TMOD1: variants seen among roughly 807,000 people sequenced by gnomAD.
The protein encoded by TMOD1 is tropomodulin-1.
In TMOD1, 17 loss-of-function variants were observed where a neutral mutation model predicts 40.6. The ratio of observed to expected loss-of-function variants is 0.42; its 90% CI spans 0.29 to 0.63. The LOEUF is 0.63. TMOD1 is among the 20% of genes least tolerant of loss of function. The pLI is 0.22. For synonymous variants in TMOD1, 181 were observed against 175.0 expected (o/e 1.03, Z -0.27); for missense variants, 391 against 447.6 (o/e 0.87, Z 1.14).
At chr9:97,568,676 C>A (rs1272390451) in intron 7 of TMOD1, among the ~76,000 whole-genome samples, 2 of 152,162 alleles carry the variant, frequency 1.3e-5, no homozygotes, top group Non-Finnish European at 1.5e-5. Context: ...GTCATAGAAG[C>A]TTTGCATGTA....
intron 8 of TMOD1, among the ~76,000 whole-genome samples, chr9:97,577,526 T>G (rs550766721): frequency 6.6e-6 from 1 of 152,342 alleles, no homozygotes; most frequent in East Asian, 1.9e-4. Flanking sequence ...TAGTGGCTCA[T>G]GCCTGTAACC....
intron 8 of TMOD1, among the ~76,000 whole-genome samples, chr9:97,573,472 C>T (rs1200918495): frequency 6.6e-6 from 1 of 152,202 alleles, no homozygotes; most frequent in African/African-American, 2.4e-5. Context: ...TTTTACTCAA[C>T]GTTGCGATTG....
chr9:97,543,881 A>G (rs138005566), intron 2 of TMOD1, among the ~76,000 whole-genome samples: 10 of 152,338 alleles, frequency 6.6e-5, no homozygotes, highest in Admixed American at 2.0e-4. Context: ...TGTCCTGCCT[A>G]TCATGGTGGA....
rs1204315134 is a variant in TMOD1 at position 97,601,136 on chromosome 9, G to A, written c.*1438G>A. 1 of 1,304,128 alleles carries A rather than the reference G, an allele frequency of 7.7e-7. No homozygotes were observed. Among genetic ancestry groups the A allele is most frequent in the African/African-American group, 1.5e-5 (1 of 66,006 alleles). The allele number at this position is 1,304,128 out of a possible 1,614,324, so 80.8% of individuals were successfully genotyped here. A position where few individuals can be genotyped will look rare whatever the true frequency, so the allele number is the denominator to read the frequency against. ...TCCACTGAGGCTGCACATGGCCCAG[G>A]AGTGGCACCATGTTGCAGGGACAAC... On this transcript the variant is annotated 3_prime_UTR_variant, in exon 10 of 10. Transcript: ENST00000259365.
In TMOD1 at chr9:97,599,962, G is replaced by A; in HGVS notation, c.*264G>A. On this transcript the variant is annotated 3_prime_UTR_variant, in exon 10 of 10. Coordinates refer to ENST00000259365, the MANE Select transcript of TMOD1 (RefSeq NM_003275.4). The stretch of plus-strand genomic sequence containing the variant: ...AGCCCCCAAACCAGCAGATCTTACT[G>A]AAGATGATGTTCCAGCAGCAGCGAC... 1 of 1,240,602 alleles carries A rather than the reference G, an allele frequency of 8.1e-7. No homozygotes were observed. The highest frequency in any genetic ancestry group is 2.0e-5 in the South Asian group (1 of 49,926). 76.8% of individuals were successfully genotyped at this position (1,240,602 alleles called of 1,614,324 possible).
chr9:97,534,278 G>A (rs1293468404), intron 2 of TMOD1, among the ~76,000 whole-genome samples: 1 of 152,210 alleles, frequency 6.6e-6, no homozygotes, highest in Admixed American at 6.5e-5. Flanking sequence ...TTTGGAGTCT[G>A]TCACTGTGGG....
chr9:97,539,752 G>A (rs1830246035), intron 2 of TMOD1, among the ~76,000 whole-genome samples: 1 of 152,240 alleles, frequency 6.6e-6, no homozygotes, highest in South Asian at 2.1e-4. Context: ...GGATCACGAG[G>A]TCAGGAGATC....
rs186024161 is a variant in TMOD1 at position 97,514,820 on chromosome 9, G to A, written c.-48-9321G>A. 3.3e-5 allele frequency among the ~76,000 whole-genome samples: 5 copies of A among 152,216 alleles called. No homozygotes were observed. The East Asian group carries it at 7.7e-4, about 23-fold the overall frequency. On this transcript the variant is annotated intron_variant, in intron 1 of 9. Coordinates refer to ENST00000259365, the MANE Select transcript of TMOD1 (RefSeq NM_003275.4). ...GACGAAAGGATTGTGTTGCGGCAGC[G>A]GCCAGGACCAGGCCACTCACTACCT...
chr9:97,595,249 A>G (rs930968466), intron 9 of TMOD1, among the ~76,000 whole-genome samples: 1 of 152,206 alleles, frequency 6.6e-6, no homozygotes, highest in African/African-American at 2.4e-5. Flanking sequence ...ATTTTTTAGC[A>G]ATTTTGAAAT....
chr9:97,560,669 G>GTATATATA (rs3052076), intron 4 of TMOD1, among the ~76,000 whole-genome samples: 49 of 144,754 alleles, frequency 3.4e-4, no homozygotes, highest in African/African-American at 1.2e-3. Flanking sequence ...TTTTTGTATT[G>GTATATATA]TATATATATA....
chr9:97,551,243 C>T (rs540089618), intron 3 of TMOD1, among the ~76,000 whole-genome samples: 13 of 151,958 alleles, frequency 8.6e-5, no homozygotes, highest in Non-Finnish European at 1.3e-4. Flanking sequence ...AGGCTGGTCT[C>T]GAACTCCTGA....
At chr9:97,540,020 A>T (rs1830253415) in intron 2 of TMOD1, among the ~76,000 whole-genome samples, 3 of 151,946 alleles carry the variant, frequency 2.0e-5, no homozygotes, top group African/African-American at 7.2e-5. Context: ...GAAAACAAAA[A>T]TGCGCCATTC....
chr9:97,588,413 T>A (rs1184728485), intron 8 of TMOD1, among the ~76,000 whole-genome samples: 1 of 152,214 alleles, frequency 6.6e-6, no homozygotes, highest in Non-Finnish European at 1.5e-5. Context: ...ATTCAAATCC[T>A]TTGCTCATTT....
intron 8 of TMOD1, among the ~76,000 whole-genome samples, chr9:97,571,950 G>A (rs1206227657): frequency 6.6e-6 from 1 of 152,194 alleles, no homozygotes; most frequent in Non-Finnish European, 1.5e-5. Context: ...GCAGGACTGA[G>A]GCTCCAGGTC....
At chr9:97,528,575 C>T (rs1587922494) in intron 2 of TMOD1, among the ~76,000 whole-genome samples, 2 of 152,350 alleles carry the variant, frequency 1.3e-5, no homozygotes, top group East Asian at 3.9e-4. Flanking sequence ...TCGAAAAGGC[C>T]TGGAGGGCCT....
At chr9:97,575,324 C>G (rs1830914189) in intron 8 of TMOD1, among the ~76,000 whole-genome samples, 1 of 152,242 alleles carries the variant, frequency 6.6e-6, no homozygotes, top group Admixed American at 6.5e-5. Flanking sequence ...GGAAGAAACT[C>G]CTAACACATC....
chr9:97,516,062 A>G (rs530281445), intron 1 of TMOD1, among the ~76,000 whole-genome samples: 17 of 152,108 alleles, frequency 1.1e-4, no homozygotes, highest in African/African-American at 3.9e-4. Context: ...TACTCCTTCC[A>G]CACCTTACCC....
chr9:97,598,621 C>A (rs958074174), intron 9 of TMOD1, among the ~76,000 whole-genome samples: 1 of 152,298 alleles, frequency 6.6e-6, no homozygotes, highest in South Asian at 2.1e-4. Context: ...ACATCTACCC[C>A]CAAGAAGTTG....
At chr9:97,564,706 C>G (rs1362754917) in intron 6 of TMOD1, among the ~76,000 whole-genome samples, 1 of 152,234 alleles carries the variant, frequency 6.6e-6, no homozygotes, top group Non-Finnish European at 1.5e-5. Context: ...GCCCTTTTCT[C>G]TGTGCACATT....
Sources: allele counts gnomAD v4.1 joint callset (sites outside exome capture counted in the v4.1 genomes callset), GRCh38; gene constraint gnomAD v4.1.1; transcripts MANE v1.5; gene names NCBI Gene and HGNC (gene_info 2026-07-23, HGNC 2026-07-21).